The following SGCD variants were observed in gnomAD, a reference collection of about 807,000 sequenced individuals.
The protein encoded by SGCD is sarcoglycan delta, also known as delta-sarcoglycan.
A neutral mutation model predicts 36.6 loss-of-function variants in SGCD; 18 were observed. The observed-to-expected ratio is 0.49, with a 90% confidence interval of 0.34 to 0.73. The LOEUF is 0.73. Ranked by LOEUF, SGCD falls within the 30% of genes least tolerant of loss-of-function variation. The pLI is 0.01. For missense variants in SGCD, 387 were observed against 346.7 expected (o/e 1.12, Z -0.92); for synonymous variants, 133 against 130.6 (o/e 1.02, Z -0.12).
chr5:156,515,040 A>C (rs1420324211), intron 4 of SGCD, among the ~76,000 whole-genome samples: 1 of 151,924 alleles, frequency 6.6e-6, no homozygotes, highest in East Asian at 1.9e-4. Flanking sequence ...TGGTCTTGCA[A>C]CCTCTGCTTG....
At chr5:155,769,837 G>A in the SGCD span, among the ~76,000 whole-genome samples, 1 of 152,056 alleles carries the variant, frequency 6.6e-6, no homozygotes, top group African/African-American at 2.4e-5. Context: ...AAAACACAGA[G>A]GTAGTCCTTT....
Position 156,757,719 on chromosome 5 carries a change from G to A in SGCD, c.699+15G>A, listed in dbSNP as rs1440648894. On this transcript the variant is annotated intron_variant, in intron 8 of 8. Transcript: ENST00000337851. ...AAGATGGAGAGGTGAGGGATGAGAA[G>A]GACAGAAGTTCAAAGAGCTACAGCT... The A allele has an allele frequency of 1.2e-5, 19 of 1,597,432 alleles. No homozygotes were observed. Among genetic ancestry groups the A allele is most frequent in the Non-Finnish European group, 1.6e-5 (19 of 1,172,004 alleles).
chr5:156,219,458 T>C (rs377569102), intron 3 of SGCD, among the ~76,000 whole-genome samples: 28 of 152,278 alleles, frequency 1.8e-4, no homozygotes, highest in Middle Eastern at 6.8e-3. Flanking sequence ...GTATAACTTA[T>C]ATCGACAAGA....
intron 1 of SGCD, among the ~76,000 whole-genome samples, chr5:156,085,255 A>G (rs926933126): frequency 6.6e-6 from 1 of 152,030 alleles, no homozygotes; most frequent in African/African-American, 2.4e-5. Context: ...TGTCCCCTCT[A>G]AATCTCATGT....
rs1554102514 is a variant in SGCD at position 155,890,677 on chromosome 5, T to TAGATAGATAGATAGAC, written c.-282+20256_-282+20257insTAGATAGATAGACAGA. On this transcript the variant is annotated intron_variant, in intron 1 of 9. Transcript: ENST00000517913. ...ATAGATAGATAGATAGATAGATAGA[T>TAGATAGATAGATAGAC]AGACAGATAGATAGGAGAACCAGGC... Among the ~76,000 whole-genome samples the TAGATAGATAGATAGAC allele has an allele frequency of 4.3e-3, 649 of 150,630 alleles. 3 individuals are homozygous for TAGATAGATAGATAGAC. The highest frequency in any genetic ancestry group is 5.7e-3 in the African/African-American group (231 of 40,536).
intron 3 of SGCD, among the ~76,000 whole-genome samples, chr5:156,269,510 A>AAAACAAAAG (rs1408141297): frequency 2.9e-5 from 4 of 137,650 alleles, no homozygotes; most frequent in Non-Finnish European, 6.3e-5. Flanking sequence ...AAAAAAAAAA[A>AAAACAAAAG]CCATCAGATC....
At chr5:156,272,209 A>G (rs1269862823) in intron 3 of SGCD, among the ~76,000 whole-genome samples, 1 of 152,034 alleles carries the variant, frequency 6.6e-6, no homozygotes, top group African/African-American at 2.4e-5. Flanking sequence ...GTTCCATTAT[A>G]TTGTGCCTAT....
At chr5:156,532,764 T>C (rs1238275982) in intron 4 of SGCD, among the ~76,000 whole-genome samples, 1 of 152,218 alleles carries the variant, frequency 6.6e-6, no homozygotes, top group Non-Finnish European at 1.5e-5. Context: ...TCTGCCTATC[T>C]TGCTTATTTC....
intron 4 of SGCD, among the ~76,000 whole-genome samples, chr5:156,562,492 G>T (rs1218549903): frequency 2.0e-5 from 3 of 152,200 alleles, no homozygotes; most frequent in Non-Finnish European, 4.4e-5. Context: ...CCAGGGGACT[G>T]CAGCAAGAGA....
intron 1 of SGCD, among the ~76,000 whole-genome samples, chr5:155,973,172 T>C (rs1248606933): frequency 6.6e-6 from 1 of 152,174 alleles, no homozygotes. Flanking sequence ...CTTTGCAATA[T>C]GGAAACTCAT....
At chr5:156,617,175 T>G (rs1370671791) in intron 6 of SGCD, among the ~76,000 whole-genome samples, 1 of 152,168 alleles carries the variant, frequency 6.6e-6, no homozygotes, top group Non-Finnish European at 1.5e-5. Flanking sequence ...CTCAGTAAAA[T>G]TTGTTGCATG....
intron 3 of SGCD, among the ~76,000 whole-genome samples, chr5:156,215,289 G>T (rs1055022055): frequency 2.6e-5 from 4 of 151,926 alleles, no homozygotes; most frequent in Non-Finnish European, 4.4e-5. Context: ...GATTTTTTGG[G>T]GTATTAGCCC....
chr5:155,834,284 C>T, the SGCD span, among the ~76,000 whole-genome samples: 1 of 152,132 alleles, frequency 6.6e-6, no homozygotes, highest in Non-Finnish European at 1.5e-5. Context: ...CCCAATAAAC[C>T]TTGATTGATT....
chr5:155,856,740 G>T, the SGCD span, among the ~76,000 whole-genome samples: 2 of 152,188 alleles, frequency 1.3e-5, no homozygotes, highest in South Asian at 4.1e-4. Context: ...AAATAAGGAC[G>T]TAAAAGCATG....
intron 1 of SGCD, among the ~76,000 whole-genome samples, chr5:155,927,500 G>C (rs1285150296): frequency 6.6e-6 from 1 of 152,164 alleles, no homozygotes; most frequent in East Asian, 1.9e-4. Flanking sequence ...CTGTGGAAGG[G>C]TGTAAGGAAG....
At chr5:156,098,465 C>A (rs554141024) in intron 1 of SGCD, among the ~76,000 whole-genome samples, 237 of 152,142 alleles carry the variant, frequency 1.6e-3, no homozygotes, top group Non-Finnish European at 2.5e-3. Context: ...AATGCTGGTG[C>A]TTTGTCTAGA....
chr5:156,384,264 T>C (rs376314179), intron 3 of SGCD, among the ~76,000 whole-genome samples: 30 of 152,342 alleles, frequency 2.0e-4, no homozygotes, highest in African/African-American at 7.0e-4. Context: ...ACTTTACTCT[T>C]TCTTAGCTCC....
intron 1 of SGCD, among the ~76,000 whole-genome samples, chr5:156,099,149 A>G (rs1289768327): frequency 1.3e-5 from 2 of 152,212 alleles, no homozygotes; most frequent in Non-Finnish European, 2.9e-5. Context: ...TGTTCCTCCC[A>G]ACCTGGGATC....
At chr5:156,133,037 G>A (rs1401324132) in intron 3 of SGCD, among the ~76,000 whole-genome samples, 4 of 152,158 alleles carry the variant, frequency 2.6e-5, no homozygotes, top group Non-Finnish European at 5.9e-5. Context: ...GTTATACTGA[G>A]CTTGGCCACT....
Sources: allele counts gnomAD v4.1 joint callset (sites outside exome capture counted in the v4.1 genomes callset), GRCh38; gene constraint gnomAD v4.1.1; transcripts MANE v1.5; gene names NCBI Gene and HGNC (gene_info 2026-07-23, HGNC 2026-07-21).